The following PCDHGA7 variants were observed in gnomAD, a reference collection of about 807,000 sequenced individuals.
PCDHGA7 encodes the protein protocadherin gamma-A7.
A neutral mutation model predicts 58.3 loss-of-function variants in PCDHGA7; 44 were observed. That is an observed-to-expected ratio of 0.75 (90% CI 0.59 to 0.97). PCDHGA7 has a LOEUF of 0.97. PCDHGA7 is among the 50% of genes least tolerant of loss of function. The pLI, the probability that PCDHGA7 is intolerant of heterozygous loss-of-function variation, is 0.00. For missense variants in PCDHGA7, 1,266 were observed against 1,188.7 expected (o/e 1.06, Z -0.96); for synonymous variants, 516 against 504.2 (o/e 1.02, Z -0.31).
chr5:141,400,235 T>G, intron 1 of PCDHGA7: 4 of 1,614,006 alleles, frequency 2.5e-6, no homozygotes, highest in Non-Finnish European at 3.4e-6. Context: ...CTCCTGGCCG[T>G]GATTCTGGCC....
At chr5:141,416,132 A>G (rs939839074) in intron 1 of PCDHGA7, 1 of 153,964 alleles carries the variant, frequency 6.5e-6, no homozygotes, top group Non-Finnish European at 1.4e-5. Flanking sequence ...ATATTTTTCA[A>G]TCTATACTTT....
intron 1 of PCDHGA7, chr5:141,412,947 C>A (rs930035804): frequency 2.1e-6 from 1 of 474,890 alleles, no homozygotes; most frequent in African/African-American, 2.0e-5. Flanking sequence ...CTCTGAGCGC[C>A]GCTGTTCACC....
chr5:141,396,134 A>G (rs970824771), intron 1 of PCDHGA7: 1 of 152,226 alleles, frequency 6.6e-6, no homozygotes, highest in East Asian at 1.9e-4. Context: ...CACAAGTTCT[A>G]AATAAGCTGA....
intron 1 of PCDHGA7, chr5:141,415,748 T>A: frequency 9.9e-7 from 1 of 1,008,964 alleles, no homozygotes; most frequent in Non-Finnish European, 1.2e-6. Context: ...AGGTTTTTTT[T>A]TTTTTTTTTT....
At chr5:141,451,557 G>T (rs192150041) in intron 1 of PCDHGA7, among the ~76,000 whole-genome samples, 2 of 152,234 alleles carry the variant, frequency 1.3e-5, no homozygotes, top group East Asian at 3.9e-4. Context: ...TGTGATGAAA[G>T]CCACAATCTT....
chr5:141,395,025 T>C, intron 1 of PCDHGA7: 1 of 1,614,116 alleles, frequency 6.2e-7, no homozygotes, highest in Non-Finnish European at 8.5e-7. Flanking sequence ...CGTGCCTGCC[T>C]CACATTTTGT....
chr5:141,413,351 C>A (rs774333807), intron 1 of PCDHGA7: 6 of 1,613,932 alleles, frequency 3.7e-6, no homozygotes, highest in South Asian at 1.1e-5. Flanking sequence ...TTGGGTCTGG[C>A]GCCCCGGGAG....
rs1371686723 is a variant in PCDHGA7, at chr5:141,383,562, C to T, written c.663C>T (p.Pro221=). The T allele has an allele frequency of 1.2e-6, 2 of 1,613,098 alleles. No individual in the cohort carries two copies. The highest frequency in any genetic ancestry group is 1.7e-6 in the Non-Finnish European group (2 of 1,179,654). The change falls in exon 1 of 4, where the codon CCC becomes CCT. Residue 221 remains proline (P), a synonymous_variant. Transcript: ENST00000518325. ...VLTASDGGDP[P]RSSTAHIQVT... ...CAGCCTCTGATGGCGGCGACCCGCC[C>T]CGATCCAGCACCGCCCACATCCAGG... is the stretch of plus-strand genomic sequence containing the variant.
Position 141,410,173 on chromosome 5 carries a change from C to G in PCDHGA7, c.2424+24850C>G, listed in dbSNP as rs544938164. ...GTGGACAGCCGCCACTCTCTGCCACCGCCACGCTTCATCTGGTCTTCGCAG... is the reference window on the plus strand; with the variant it reads ...GTGGACAGCCGCCACTCTCTGCCACGGCCACGCTTCATCTGGTCTTCGCAG... On this transcript the variant is annotated intron_variant, in intron 1 of 3. Coordinates refer to ENST00000518325, the MANE Select transcript of PCDHGA7 (RefSeq NM_018920.4). The G allele has an allele frequency of 6.2e-6, 10 of 1,613,842 alleles. No individual in the cohort carries two copies. The African/African-American group carries it at 9.3e-5, about 15-fold the overall frequency.
chr5:141,403,256 T>G, intron 1 of PCDHGA7: 3 of 1,613,854 alleles, frequency 1.9e-6, no homozygotes, highest in Non-Finnish European at 2.5e-6. Flanking sequence ...GAGCCCGCGG[T>G]GTCTGGTGAA....
At chr5:141,458,854 T>G (rs2098955098) in intron 1 of PCDHGA7, among the ~76,000 whole-genome samples, 1 of 152,182 alleles carries the variant, frequency 6.6e-6, no homozygotes, top group South Asian at 2.1e-4. Flanking sequence ...CACCTCAGCC[T>G]TCCAAGTAGC....
chr5:141,409,942 C>G, intron 1 of PCDHGA7: 2 of 1,613,284 alleles, frequency 1.2e-6, no homozygotes, highest in Non-Finnish European at 1.7e-6. Context: ...TGGTACCTCG[C>G]TCTGCAGAGC....
chr5:141,503,471 C>A (rs2099820129), intron 2 of PCDHGA7, among the ~76,000 whole-genome samples: 1 of 151,836 alleles, frequency 6.6e-6, no homozygotes, highest in African/African-American at 2.4e-5. Context: ...GGCATGTGTG[C>A]ACTTGTCGTC....
chr5:141,384,850 C>A lies in PCDHGA7; in HGVS notation c.1951C>A (p.Gln651Lys). 1 of 1,613,646 alleles carries A rather than the reference C, an allele frequency of 6.2e-7. No individual in the cohort carries two copies. The highest frequency in any genetic ancestry group is 1.3e-5 in the African/African-American group (1 of 75,062). The part of the protein sequence containing the change: ...SLVVAVQDHG[Q>K]PPLSATVTLT... ...CGTGGTGGCCGTCCAGGACCACGGT[C>A]AGCCTCCTCTGTCAGCCACCGTCAC... Residue 651 changes from glutamine to lysine, a missense_variant, in exon 1 of 4, where the codon CAG (glutamine) becomes AAG (lysine). Transcript: ENST00000518325.
At chr5:141,403,560 A>G in intron 1 of PCDHGA7, 1 of 1,613,972 alleles carries the variant, frequency 6.2e-7, no homozygotes, top group Non-Finnish European at 8.5e-7. Context: ...CTGGACAGGG[A>G]GGAGGCAACT....
rs201538255 is a variant in PCDHGA7 at position 141,476,796 on chromosome 5, G to A, written c.2425-18011G>A. 10 of 1,613,584 alleles carry A rather than the reference G, an allele frequency of 6.2e-6. No individual in the cohort carries two copies. In the East Asian group the frequency reaches 2.2e-4, roughly 36 times the overall value. On this transcript the variant is annotated intron_variant, in intron 1 of 3. Transcript: ENST00000518325. This position sits in a 1 kb window ranked among gnomAD's most constrained non-coding sequence, Gnocchi z 7.6. Reference sequence around the variant, plus strand: ...GGAGGGACCCCAGCTCTCTCCGCCAGCCTGCCTATTCACATCAAGGTGCTG... The same window carrying A: ...GGAGGGACCCCAGCTCTCTCCGCCAACCTGCCTATTCACATCAAGGTGCTG...
At chr5:141,495,984 ATC>A (rs2099765081) in intron 2 of PCDHGA7, among the ~76,000 whole-genome samples, 1 of 149,246 alleles carries the variant, frequency 6.7e-6, no homozygotes, top group East Asian at 2.0e-4. Context: ...CTCTTTCTTT[ATC>A]TCTCTTTTTC....
intron 1 of PCDHGA7, 134 bp from the exon 2 acceptor site, chr5:141,494,673 C>A: frequency 6.5e-7 from 1 of 1,542,992 alleles, no homozygotes; most frequent in South Asian, 1.2e-5. Flanking sequence ...GATGAGTCCA[C>A]CCCTGCCCCC....
intron 1 of PCDHGA7, chr5:141,390,092 G>A (rs1469999630): frequency 1.9e-6 from 3 of 1,613,918 alleles, no homozygotes; most frequent in African/African-American, 2.7e-5. Context: ...CCGAATCCGT[G>A]GTTCCCCCCA....
Sources: gnomAD v4.1 joint callset for allele counts (sites outside exome capture counted in the v4.1 genomes callset) on GRCh38, gnomAD v4.1.1 for gene constraint, Gnocchi (gnomAD v3.1) non-coding constraint, MANE v1.5 for transcripts, NCBI Gene and HGNC (gene_info 2026-07-23, HGNC 2026-07-21) for gene names.